The following TENM2 variants were observed in gnomAD, a reference collection of about 807,000 sequenced individuals.
TENM2 encodes teneurin transmembrane protein 2.
A neutral mutation model predicts 245.2 loss-of-function variants in TENM2; 52 were observed. That is an observed-to-expected ratio of 0.21 (90% confidence interval 0.17 to 0.27). The LOEUF is 0.27. TENM2 is among the 10% of genes least tolerant of loss of function. The pLI, the probability that TENM2 is intolerant of heterozygous loss-of-function variation, is 1.00. For synonymous variants in TENM2, 1,363 were observed against 1,438.9 expected (o/e 0.95, Z 1.19); for missense variants, 3,046 against 3,666.8 (o/e 0.83, Z 4.37).
At chr5:168,232,582 G>A (rs999880724) in intron 25 of TENM2, among the ~76,000 whole-genome samples, 9 of 152,316 alleles carry the variant, frequency 5.9e-5, no homozygotes, top group South Asian at 2.1e-4. Context: ...TAGCCTGAAC[G>A]TCCCCGGGAC....
At chr5:167,358,857 C>A (rs1324840592) in intron 1 of TENM2, among the ~76,000 whole-genome samples, 3 of 147,274 alleles carry the variant, frequency 2.0e-5, no homozygotes, top group Admixed American at 6.8e-5. Context: ...ACACACCCTG[C>A]TGTTTTTACA....
chr5:167,831,928 A>T (rs907394582), intron 2 of TENM2, among the ~76,000 whole-genome samples: 2 of 152,002 alleles, frequency 1.3e-5, no homozygotes, highest in African/African-American at 2.4e-5. Flanking sequence ...TCAGACCTTA[A>T]GTTGTCTGTA....
intron 5 of TENM2, among the ~76,000 whole-genome samples, chr5:168,004,263 C>G (rs3909402): frequency 0.053 from 8,051 of 152,254 alleles, 357 homozygotes; most frequent in African/African-American, 0.11. Flanking sequence ...TGCCTAACTT[C>G]ATAGTGTGAA....
the TENM2 span, among the ~76,000 whole-genome samples, chr5:167,104,899 A>T: frequency 6.6e-6 from 1 of 152,218 alleles, no homozygotes; most frequent in Non-Finnish European, 1.5e-5. Context: ...TTGTCTACTG[A>T]ATGTGATGGA....
intron 2 of TENM2, among the ~76,000 whole-genome samples, chr5:167,604,470 T>C (rs1413579729): frequency 6.6e-6 from 1 of 152,202 alleles, no homozygotes; most frequent in Non-Finnish European, 1.5e-5. Flanking sequence ...AGGCTTTATT[T>C]TAAGTAGCTT....
At chr5:167,348,826 C>T (rs1039691618) in intron 1 of TENM2, among the ~76,000 whole-genome samples, 6 of 152,172 alleles carry the variant, frequency 3.9e-5, no homozygotes, top group Non-Finnish European at 5.9e-5. Flanking sequence ...GCCTTCTTGG[C>T]ATCGTCAGAT....
the TENM2 span, among the ~76,000 whole-genome samples, chr5:167,189,945 T>C: frequency 5.3e-5 from 8 of 152,150 alleles, no homozygotes; most frequent in African/African-American, 1.9e-4. Flanking sequence ...AATAGTCCTA[T>C]GAAAGTCTAA....
At chr5:167,216,022 T>A in the TENM2 span, among the ~76,000 whole-genome samples, 1 of 152,216 alleles carries the variant, frequency 6.6e-6, no homozygotes, top group Non-Finnish European at 1.5e-5. Flanking sequence ...TTACTTTTTA[T>A]CACCTCAAAA....
intron 2 of TENM2, among the ~76,000 whole-genome samples, chr5:167,447,435 C>T (rs534847279): frequency 1.3e-5 from 2 of 152,226 alleles, no homozygotes; most frequent in Middle Eastern, 3.4e-3. Flanking sequence ...GGGTTTTGTT[C>T]GTTTGTTTCT....
chr5:168,245,683 C>T (rs1766499276), intron 26 of TENM2, among the ~76,000 whole-genome samples: 1 of 152,002 alleles, frequency 6.6e-6, no homozygotes, highest in African/African-American at 2.4e-5. Context: ...CTCACCTAGA[C>T]TCCCCTTGGT....
At chr5:167,187,608 C>T in the TENM2 span, among the ~76,000 whole-genome samples, 1 of 152,062 alleles carries the variant, frequency 6.6e-6, no homozygotes, top group Non-Finnish European at 1.5e-5. Flanking sequence ...GGGTCTCTCT[C>T]CTCCCTATGA....
intron 2 of TENM2, among the ~76,000 whole-genome samples, chr5:167,392,795 G>A (rs528048186): frequency 1.1e-4 from 17 of 152,146 alleles, no homozygotes; most frequent in South Asian, 8.3e-4. Context: ...AACTTTTATT[G>A]TACTCAGAAT....
At chr5:168,019,372 A>G (rs961625547) in intron 5 of TENM2, among the ~76,000 whole-genome samples, 1 of 152,202 alleles carries the variant, frequency 6.6e-6, no homozygotes, top group Non-Finnish European at 1.5e-5. Context: ...GGTGAAAACT[A>G]GATGAGAGCC....
chr5:167,900,049 C>T (rs999919421), intron 3 of TENM2, among the ~76,000 whole-genome samples: 2 of 139,438 alleles, frequency 1.4e-5, no homozygotes, highest in African/African-American at 5.4e-5. Flanking sequence ...CATTTCACAC[C>T]TGAAATGCTT....
chr5:167,349,519 CTTG>C (rs1758687145), intron 1 of TENM2, among the ~76,000 whole-genome samples: 2 of 151,966 alleles, frequency 1.3e-5, no homozygotes, highest in Non-Finnish European at 2.9e-5. Context: ...AAAAATTATT[CTTG>C]TTATTATTGT....
At chr5:167,063,812 G>A in the TENM2 span, among the ~76,000 whole-genome samples, 92,291 of 152,042 alleles carry the variant, frequency 0.61, 30,491 homozygotes, top group African/African-American at 0.88. Context: ...TTCTCTTAAT[G>A]GCTAGAAAGT....
At chr5:167,609,519 C>CAAAAAAAAT (rs1171421408) in intron 2 of TENM2, among the ~76,000 whole-genome samples, 15 of 128,986 alleles carry the variant, frequency 1.2e-4, no homozygotes, top group African/African-American at 4.3e-4. Context: ...AAAACAAAAC[C>CAAAAAAAAT]TTACCTAGAA....
intron 5 of TENM2, among the ~76,000 whole-genome samples, chr5:167,996,861 C>T (rs958340240): frequency 6.6e-6 from 1 of 152,048 alleles, no homozygotes. Context: ...GCCTCAGCCT[C>T]CCAAGTAGCT....
chr5:167,724,957 C>T (rs934222891), intron 2 of TENM2, among the ~76,000 whole-genome samples: 1 of 152,100 alleles, frequency 6.6e-6, no homozygotes, highest in Non-Finnish European at 1.5e-5. Flanking sequence ...CTTCCTGGCA[C>T]CTCATAATTA....
Sources: gnomAD v4.1 joint callset for allele counts (sites outside exome capture counted in the v4.1 genomes callset) on GRCh38, gnomAD v4.1.1 for gene constraint, MANE v1.5 for transcripts, NCBI Gene and HGNC (gene_info 2026-07-23, HGNC 2026-07-21) for gene names.